Variants in CAST observed in about 807,000 individuals in gnomAD.
CAST encodes the protein MIR583 host.
In CAST, 76 loss-of-function variants were observed where a neutral mutation model predicts 119.6. The observed-to-expected ratio is 0.64, with a 90% CI of 0.53 to 0.77. The LOEUF is 0.77. CAST is among the 30% of genes least tolerant of loss of function. The pLI is 0.00. For missense variants in CAST, 953 were observed against 946.5 expected (o/e 1.01, Z -0.09); for synonymous variants, 319 against 331.6 (o/e 0.96, Z 0.41).
chr5:96,584,440 T>C (rs981337069), intron 1 of CAST: 1 of 152,252 alleles, frequency 6.6e-6, no homozygotes, highest in African/African-American at 2.4e-5. Context: ...TCCTCTGATA[T>C]TTGTTTTGTG....
the CAST span, among the ~76,000 whole-genome samples, chr5:96,076,894 A>G: frequency 6.6e-6 from 1 of 151,838 alleles, no homozygotes; most frequent in Admixed American, 6.6e-5. Flanking sequence ...TAGTAATTGT[A>G]TCTTCCCAAT....
At chr5:96,581,206 C>T (rs1397990526) in intron 1 of CAST, among the ~76,000 whole-genome samples, 1 of 152,048 alleles carries the variant, frequency 6.6e-6, no homozygotes, top group East Asian at 1.9e-4. Flanking sequence ...TAATATAAAC[C>T]ATCCAAAGAA....
the CAST span, among the ~76,000 whole-genome samples, chr5:95,993,158 A>C: frequency 6.6e-6 from 1 of 152,192 alleles, no homozygotes; most frequent in Non-Finnish European, 1.5e-5. Context: ...GCACCAAGGT[A>C]ATTTGGTGGG....
At chr5:96,429,167 C>A in the CAST span, 1 of 948,016 alleles carries the variant, frequency 1.1e-6, no homozygotes, top group Non-Finnish European at 1.7e-6. Flanking sequence ...ATAAAGAAAG[C>A]AGATAAGCTA....
the CAST span, among the ~76,000 whole-genome samples, chr5:96,451,870 C>T: frequency 6.6e-6 from 1 of 152,142 alleles, no homozygotes; most frequent in Non-Finnish European, 1.5e-5. Flanking sequence ...GACATTTATG[C>T]GGCCAACAAA....
At chr5:96,509,114 A>G in the CAST span, among the ~76,000 whole-genome samples, 109 of 152,338 alleles carry the variant, frequency 7.2e-4, no homozygotes, top group Middle Eastern at 0.01. Flanking sequence ...TGTAATTTTG[A>G]AGTTTCTAAA....
the CAST span, among the ~76,000 whole-genome samples, chr5:95,972,695 A>C: frequency 6.6e-6 from 1 of 152,236 alleles, no homozygotes; most frequent in South Asian, 2.1e-4. Context: ...AGAGCAAAAA[A>C]AGTTTTTGAT....
At chr5:96,439,340 A>AT in the CAST span, among the ~76,000 whole-genome samples, 1 of 151,912 alleles carries the variant, frequency 6.6e-6, no homozygotes, top group Non-Finnish European at 1.5e-5. Flanking sequence ...ATCACAAAAA[A>AT]TTATGAAAGC....
At chr5:96,384,984 A>T in the CAST span, among the ~76,000 whole-genome samples, 1 of 152,190 alleles carries the variant, frequency 6.6e-6, no homozygotes, top group African/African-American at 2.4e-5. Context: ...TATCCCAAAG[A>T]ATAGACTTGG....
the CAST span, among the ~76,000 whole-genome samples, chr5:95,993,172 A>C: frequency 1.3e-5 from 2 of 152,204 alleles, no homozygotes; most frequent in Non-Finnish European, 2.9e-5. Flanking sequence ...TGGTGGGGAA[A>C]AGGATAATTT....
At chr5:96,706,997 TTC>T (rs1755113242) in intron 3 of CAST, among the ~76,000 whole-genome samples, 1 of 152,226 alleles carries the variant, frequency 6.6e-6, no homozygotes, top group Non-Finnish European at 1.5e-5. Flanking sequence ...CTGCTCATAT[TTC>T]TGTTTCTTTC....
chr5:96,771,594 T>C, intron 30 of CAST, 50 bp from the exon 31 acceptor site: 1 of 1,493,662 alleles, frequency 6.7e-7, no homozygotes, highest in Admixed American at 1.7e-5. Flanking sequence ...CATCTCCTCA[T>C]ACTTAATACA....
the CAST span, among the ~76,000 whole-genome samples, chr5:96,277,420 T>G: frequency 6.6e-6 from 1 of 152,208 alleles, no homozygotes; most frequent in Non-Finnish European, 1.5e-5. Flanking sequence ...TTGTTTTAAT[T>G]TGATCACTAG....
the CAST span, among the ~76,000 whole-genome samples, chr5:95,971,370 A>G: frequency 1.3e-5 from 2 of 152,214 alleles, no homozygotes; most frequent in Non-Finnish European, 2.9e-5. Context: ...AATGTACTTT[A>G]AAAATAGAAA....
chr5:96,506,333 A>C, the CAST span, among the ~76,000 whole-genome samples: 3 of 151,318 alleles, frequency 2.0e-5, no homozygotes, highest in African/African-American at 7.2e-5. Flanking sequence ...TAAAGAGCTA[A>C]GCTGAGGCAC....
chr5:96,577,628 C>G (rs930299841), intron 1 of CAST, among the ~76,000 whole-genome samples: 1 of 151,880 alleles, frequency 6.6e-6, no homozygotes, highest in Admixed American at 6.6e-5. Flanking sequence ...TTTGAGACTC[C>G]CTGTTTGACG....
chr5:96,672,447 C>T (rs929173046), intron 1 of CAST, among the ~76,000 whole-genome samples: 3 of 152,078 alleles, frequency 2.0e-5, no homozygotes, highest in African/African-American at 7.2e-5. Flanking sequence ...CGGTGGCTCA[C>T]GCCTGTAATC....
the CAST span, among the ~76,000 whole-genome samples, chr5:96,494,197 C>T: frequency 6.0e-4 from 92 of 152,280 alleles, no homozygotes; most frequent in African/African-American, 2.2e-3. Flanking sequence ...CCTCAAGTTT[C>T]TCAGAGGCGA....
At chr5:96,425,020 G>GAAAGA in the CAST span, among the ~76,000 whole-genome samples, 1 of 59,064 alleles carries the variant, frequency 1.7e-5, no homozygotes, top group East Asian at 4.9e-4. Flanking sequence ...AAGAAAGAAA[G>GAAAGA]AAAGAAAGAA....
Sources: allele counts gnomAD v4.1 joint callset (sites outside exome capture counted in the v4.1 genomes callset), GRCh38; gene constraint gnomAD v4.1.1; transcripts MANE v1.5; gene names NCBI Gene and HGNC (gene_info 2026-07-23, HGNC 2026-07-21).